Variants in STK31 observed in about 807,000 individuals in gnomAD.
STK31 encodes the protein serine/threonine kinase 31.
Under a neutral mutation model 129.7 loss-of-function variants are expected in STK31, and 89 were observed. The ratio of observed to expected loss-of-function variants is 0.69; its 90% confidence interval spans 0.58 to 0.82. The LOEUF (loss-of-function observed/expected upper bound fraction) is 0.82. Ranked by LOEUF, STK31 falls within the 40% of genes least tolerant of loss-of-function variation. The pLI is 0.00. For synonymous variants in STK31, 448 were observed against 395.3 expected (o/e 1.13, Z -1.58); for missense variants, 1,187 against 1,176.4 (o/e 1.01, Z -0.13).
rs746068302 is a variant in STK31, at chr7:23,785,572, C to T, written c.2243C>T (p.Ser748Phe). 19 of 1,613,674 alleles carry T rather than the reference C, an allele frequency of 1.2e-5. No individual in the cohort carries two copies. The highest frequency in any genetic ancestry group is 1.6e-5 in the Non-Finnish European group (19 of 1,179,822). Residue 748 changes from serine to phenylalanine, a missense_variant, in exon 18 of 24, where the codon TCT becomes TTT. This residue lies in a region of STK31 where 975 missense variants were observed against 934.9 expected (regional missense o/e 1.04). Coordinates refer to ENST00000355870, the MANE Select transcript of STK31 (RefSeq NM_031414.5). ...ELSSKRPLVRSEVNGQIILLK... is the reference protein window; with the variant it reads ...ELSSKRPLVRFEVNGQIILLK... Reference sequence around the variant, plus strand: ...AGCAGCAAGCGTCCTTTGGTACGTTCTGAGGTTAATGGGCAGATAATTCTG... The same window carrying T: ...AGCAGCAAGCGTCCTTTGGTACGTTTTGAGGTTAATGGGCAGATAATTCTG...
chr7:23,725,389 A>AAG (rs1443532229), intron 4 of STK31, among the ~76,000 whole-genome samples: 2 of 150,768 alleles, frequency 1.3e-5, no homozygotes, highest in African/African-American at 4.9e-5. Flanking sequence ...AAAAAAAAAA[A>AAG]AAAAAAAAGC....
At chr7:23,753,307 C>T (rs1445875858) in intron 9 of STK31, among the ~76,000 whole-genome samples, 3 of 152,182 alleles carry the variant, frequency 2.0e-5, no homozygotes, top group African/African-American at 7.2e-5. Flanking sequence ...GTGGTTTCCT[C>T]TCACATCCCA....
Position 23,783,144 on chromosome 7 carries a change from G to T in STK31, c.2068-439G>T, listed in dbSNP as rs965568112. On this transcript the variant is annotated intron_variant, in intron 16 of 23. Transcript: ENST00000355870. The stretch of plus-strand genomic sequence containing the variant: ...AAAGGAAAGTGGCTTTCAGAAATTG[G>T]CAGCGAGGTACAGAAACAGCTATAT... Among the ~76,000 whole-genome samples, 10 of 152,164 alleles carry T rather than the reference G, an allele frequency of 6.6e-5. No homozygotes were observed. The East Asian group carries it at 1.9e-3, about 29-fold the overall frequency.
intron 9 of STK31, among the ~76,000 whole-genome samples, chr7:23,753,311 C>T (rs1488861039): frequency 6.6e-6 from 1 of 152,206 alleles, no homozygotes; most frequent in Non-Finnish European, 1.5e-5. Flanking sequence ...TTTCCTCTCA[C>T]ATCCCACTTA....
intron 10 of STK31, 84 bp downstream of exon 10, chr7:23,754,558 C>CA (rs1788936003): frequency 7.0e-7 from 1 of 1,433,016 alleles, no homozygotes; most frequent in South Asian, 1.4e-5. Flanking sequence ...AAAAAAATAA[C>CA]AGGATACATG....
intron 23 of STK31, among the ~76,000 whole-genome samples, chr7:23,827,953 G>C (rs985435128): frequency 6.6e-6 from 1 of 152,140 alleles, no homozygotes; most frequent in African/African-American, 2.4e-5. Context: ...GTTCCTCTGG[G>C]AGTTTTGTCT....
At chr7:23,824,803 A>C (rs906260172) in intron 23 of STK31, among the ~76,000 whole-genome samples, 6 of 151,448 alleles carry the variant, frequency 4.0e-5, no homozygotes, top group African/African-American at 1.5e-4. Flanking sequence ...AGTCTTTAGC[A>C]TGAAGCGTTG....
chr7:23,795,309 C>T (rs553713019), intron 22 of STK31, among the ~76,000 whole-genome samples: 190 of 152,340 alleles, frequency 1.2e-3, no homozygotes, highest in African/African-American at 4.2e-3. Context: ...AGCCCCAAGC[C>T]TTGTTAGCTT....
Position 23,753,682 on chromosome 7 carries a change from A to G in STK31, c.1134-633A>G, listed in dbSNP as rs147618025. Among the ~76,000 whole-genome samples the G allele has an allele frequency of 2.5e-4, 38 of 152,334 alleles. 1 individual carries two copies. The East Asian group carries it at 7.3e-3, about 29-fold the overall frequency. On this transcript the variant is annotated intron_variant, in intron 9 of 23. Coordinates refer to ENST00000355870, the MANE Select transcript of STK31 (RefSeq NM_031414.5). ...CGCTTCTTAGAATTTTCGCTTGCAA[A>G]CATTTATTCCTTGATTTAACCCTAC...
rs772693224 is a variant in STK31 at position 23,735,696 on chromosome 7, T to C, written c.642T>C (p.Leu214=). The part of the protein sequence containing the change: ...LKKGFAEKCR[L]ASRTDICEEK... ...AAGGATTTGCAGAGAAATGCAGACT[T>C]GCTTCCAGAACTGACATCTGTGAGG... is the stretch of plus-strand genomic sequence containing the variant. Residue 214 remains leucine, a synonymous_variant, in exon 7 of 24, where the codon CTT becomes CTC. Coordinates refer to ENST00000355870, the MANE Select transcript of STK31 (RefSeq NM_031414.5). 1 of 1,614,070 alleles carries C rather than the reference T, an allele frequency of 6.2e-7. No individual in the cohort carries two copies. Among genetic ancestry groups the C allele is most frequent in the East Asian group, 2.2e-5 (1 of 44,880 alleles).
At chr7:23,720,356 A>C (rs1786617691) in intron 4 of STK31, among the ~76,000 whole-genome samples, 1 of 152,190 alleles carries the variant, frequency 6.6e-6, no homozygotes, top group Admixed American at 6.5e-5. Context: ...ATAAGTTGGA[A>C]GTTCCGTTTG....
At chr7:23,824,325 G>A (rs563181561) in intron 23 of STK31, among the ~76,000 whole-genome samples, 1 of 152,266 alleles carries the variant, frequency 6.6e-6, no homozygotes, top group Admixed American at 6.5e-5. Flanking sequence ...TCCCTTGTAA[G>A]TTGGATTCTT....
In STK31 at chr7:23,820,527, A is replaced by G. The variant is rs116505064; in HGVS notation, c.2829+5315A>G. Among the ~76,000 whole-genome samples the G allele has an allele frequency of 7.2e-3, 1,095 of 152,312 alleles. 14 individuals are homozygous for G. Among genetic ancestry groups the G allele is most frequent in the African/African-American group, 0.025 (1,059 of 41,556 alleles). On this transcript the variant is annotated intron_variant, in intron 23 of 23. Coordinates refer to ENST00000355870, the MANE Select transcript of STK31 (RefSeq NM_031414.5). ...TATTTATTATTTCTATGTTTTGGGAACATATCAAGTCCTCTCTTCTGGCTA... is the reference window on the plus strand; with the variant it reads ...TATTTATTATTTCTATGTTTTGGGAGCATATCAAGTCCTCTCTTCTGGCTA...
intron 12 of STK31, 91 bp downstream of exon 12, chr7:23,769,265 A>G (rs888418937): frequency 5.4e-5 from 65 of 1,212,998 alleles, no homozygotes; most frequent in Non-Finnish European, 7.0e-5. Context: ...AGCTGACATC[A>G]TCTACCTACT....
intron 22 of STK31, among the ~76,000 whole-genome samples, chr7:23,809,807 A>G (rs1792971367): frequency 7.3e-6 from 1 of 137,488 alleles, no homozygotes; most frequent in Non-Finnish European, 1.5e-5. Flanking sequence ...AACATACAAT[A>G]TGGGGTTGTA....
intron 22 of STK31, chr7:23,791,432 T>G (rs953751429): frequency 2.7e-6 from 1 of 376,446 alleles, no homozygotes; most frequent in African/African-American, 2.2e-5. Context: ...TGAGTACATA[T>G]GGACACAAAG....
chr7:23,774,399 C>T (rs1364379598), intron 15 of STK31, among the ~76,000 whole-genome samples: 1 of 152,204 alleles, frequency 6.6e-6, no homozygotes, highest in Non-Finnish European at 1.5e-5. Flanking sequence ...GTCCCACCAA[C>T]AGTGTAAAAG....
chr7:23,738,888 T>A (rs1787883404), intron 8 of STK31, among the ~76,000 whole-genome samples: 2 of 152,230 alleles, frequency 1.3e-5, no homozygotes, highest in Admixed American at 1.3e-4. Context: ...GATGGGCATT[T>A]GGGTTGGTTC....
At chr7:23,747,766 A>G (rs1215817063) in intron 8 of STK31, among the ~76,000 whole-genome samples, 1 of 152,172 alleles carries the variant, frequency 6.6e-6, no homozygotes, top group Non-Finnish European at 1.5e-5. Context: ...TGAGTTGTTC[A>G]TAATATTTTT....
Sources: allele counts gnomAD v4.1 joint callset (sites outside exome capture counted in the v4.1 genomes callset), GRCh38; gene constraint gnomAD v4.1.1; regional missense constraint gnomAD v4.1.1; transcripts MANE v1.5; gene names NCBI Gene and HGNC (gene_info 2026-07-23, HGNC 2026-07-21).